The following DSCAM variants were observed in gnomAD, a reference collection of about 807,000 sequenced individuals.
The protein encoded by DSCAM is DS cell adhesion molecule, also known as cell adhesion molecule DSCAM.
DSCAM carries 47 observed loss-of-function variants against 217.7 expected under a neutral mutation model. The observed-to-expected ratio is 0.22, with a 90% CI of 0.17 to 0.28. The LOEUF is 0.28. Among genes scored for constraint, DSCAM ranks in the 10% least tolerant of loss-of-function variants. The pLI is 1.00. For missense variants in DSCAM, 2,080 were observed against 2,618.3 expected, an observed-to-expected ratio of 0.79 and a Z score of 4.49; for synonymous variants, 1,056 against 1,015.3, an observed-to-expected ratio of 1.04 and a Z score of -0.76.
Position 40,217,837 on chromosome 21 carries a change from T to A in DSCAM, c.2357-28599A>T, listed in dbSNP as rs372986811. On this transcript the variant is annotated intron_variant, in intron 11 of 32. Coordinates refer to ENST00000400454, the MANE Select transcript of DSCAM (RefSeq NM_001389.5). Reference sequence around the variant, plus strand: ...TTTTGAGAAGTGTCTGTTCACGTCCTTTGCCCACTTTTTAATGGGGTGGTT... The same window carrying A: ...TTTTGAGAAGTGTCTGTTCACGTCCATTGCCCACTTTTTAATGGGGTGGTT... Among the ~76,000 whole-genome samples, 4 of 152,232 alleles carry A rather than the reference T, an allele frequency of 2.6e-5. 1 individual carries two copies. In the South Asian group the frequency reaches 6.2e-4, roughly 24 times the overall value.
intron 3 of DSCAM, among the ~76,000 whole-genome samples, chr21:40,416,127 T>A (rs2075369560): frequency 6.6e-6 from 1 of 152,104 alleles, no homozygotes; most frequent in South Asian, 2.1e-4. Context: ...CATGAGGGGA[T>A]CCCCTTTTTC....
intron 1 of DSCAM, among the ~76,000 whole-genome samples, chr21:40,811,496 A>G (rs1431857325): frequency 7.2e-5 from 11 of 152,202 alleles, no homozygotes; most frequent in Admixed American, 7.2e-4. Context: ...AGTGTGTTCT[A>G]AAGAGTTTTA....
intron 3 of DSCAM, among the ~76,000 whole-genome samples, chr21:40,457,213 G>T (rs2075770857): frequency 6.6e-6 from 1 of 152,094 alleles, no homozygotes; most frequent in Admixed American, 6.6e-5. Flanking sequence ...CACTGTATTT[G>T]GAAAAAGAAG....
chr21:40,635,229 C>T (rs894459099), intron 3 of DSCAM, among the ~76,000 whole-genome samples: 8 of 151,982 alleles, frequency 5.3e-5, no homozygotes, highest in South Asian at 4.2e-4. Context: ...GAAGAGAAAG[C>T]GAAGACACAC....
intron 11 of DSCAM, among the ~76,000 whole-genome samples, chr21:40,189,532 T>C (rs992186077): frequency 6.6e-6 from 1 of 152,190 alleles, no homozygotes; most frequent in Non-Finnish European, 1.5e-5. Flanking sequence ...GAATGATTGA[T>C]ATGGGTTGGC....
chr21:40,183,975 T>C (rs1006247390), intron 14 of DSCAM, among the ~76,000 whole-genome samples: 1 of 152,132 alleles, frequency 6.6e-6, no homozygotes, highest in East Asian at 1.9e-4. Flanking sequence ...GGACATAGCA[T>C]AAGGTTTGTC....
chr21:40,370,854 T>G (rs1043370347), intron 3 of DSCAM, among the ~76,000 whole-genome samples: 2 of 152,068 alleles, frequency 1.3e-5, no homozygotes, highest in Non-Finnish European at 2.9e-5. Context: ...ACTCATGAGC[T>G]CAAGTGATCC....
At chr21:40,105,784 GAA>G (rs2089811870) in intron 20 of DSCAM, among the ~76,000 whole-genome samples, 2 of 152,148 alleles carry the variant, frequency 1.3e-5, no homozygotes, top group Non-Finnish European at 2.9e-5. Context: ...TTAAAGAATA[GAA>G]GTCAAATAAA....
chr21:40,370,805 A>G (rs1459616699), intron 3 of DSCAM, among the ~76,000 whole-genome samples: 2 of 151,870 alleles, frequency 1.3e-5, no homozygotes, highest in Non-Finnish European at 2.9e-5. Flanking sequence ...ATTTTTTTAT[A>G]GAGACGAGAT....
chr21:40,754,933 T>G (rs1332598022), intron 1 of DSCAM, among the ~76,000 whole-genome samples: 1 of 152,234 alleles, frequency 6.6e-6, no homozygotes, highest in Admixed American at 6.5e-5. Flanking sequence ...TCTGGATTTA[T>G]AGGACAATTG....
chr21:40,355,652 A>G (rs1328532503), intron 4 of DSCAM, among the ~76,000 whole-genome samples: 2 of 152,204 alleles, frequency 1.3e-5, no homozygotes, highest in Non-Finnish European at 2.9e-5. Context: ...CCACATGGAT[A>G]TTACAGAAAC....
chr21:40,253,798 C>G (rs921813543), intron 11 of DSCAM, among the ~76,000 whole-genome samples: 14 of 152,268 alleles, frequency 9.2e-5, no homozygotes, highest in African/African-American at 3.4e-4. Flanking sequence ...CAGGACCCTT[C>G]CGGATCTTGC....
chr21:40,393,456 A>G (rs1009594834), intron 3 of DSCAM, among the ~76,000 whole-genome samples: 1 of 152,210 alleles, frequency 6.6e-6, no homozygotes, highest in African/African-American at 2.4e-5. Context: ...CTAAATGTAT[A>G]TGTTTTTATA....
intron 1 of DSCAM, among the ~76,000 whole-genome samples, chr21:40,761,333 C>T (rs2091332770): frequency 6.6e-6 from 1 of 152,154 alleles, no homozygotes; most frequent in African/African-American, 2.4e-5. Context: ...TTTCCTGGCT[C>T]ATGGCCCCCC....
Position 40,017,632 on chromosome 21 carries a change from AACCTCC to A in DSCAM, c.5687-4252_5687-4247del, listed in dbSNP as rs368893098. Among the ~76,000 whole-genome samples the A allele has an allele frequency of 2.5e-3, 379 of 151,722 alleles. 6 individuals are homozygous for A. Among genetic ancestry groups the A allele is most frequent in the African/African-American group, 8.5e-3 (352 of 41,338 alleles). Reference sequence around the variant, plus strand: ...GCTGGAGTGCAACTCGGTTCGCCACAACCTCCACCTCCCGGTTCAAGCGATTCTCCC... The same window carrying A: ...GCTGGAGTGCAACTCGGTTCGCCACAACCTCCCGGTTCAAGCGATTCTCCC... On this transcript the variant is annotated intron_variant, in intron 32 of 32. Transcript: ENST00000400454.
chr21:40,199,481 T>C (rs1166011888), intron 11 of DSCAM, among the ~76,000 whole-genome samples: 1 of 152,210 alleles, frequency 6.6e-6, no homozygotes, highest in African/African-American at 2.4e-5. Flanking sequence ...GTCTTTATTG[T>C]AGAATGAGTT....
intron 27 of DSCAM, among the ~76,000 whole-genome samples, chr21:40,064,550 C>A (rs1018621876): frequency 6.6e-6 from 1 of 152,170 alleles, no homozygotes; most frequent in East Asian, 1.9e-4. Context: ...CAGGCATCCT[C>A]CCCAAGGCTA....
intron 16 of DSCAM, among the ~76,000 whole-genome samples, chr21:40,161,541 G>A (rs1052592373): frequency 2.0e-5 from 3 of 152,134 alleles, no homozygotes; most frequent in Admixed American, 6.5e-5. Flanking sequence ...GAACACACAA[G>A]ACATGTCCTC....
chr21:40,543,773 G>C (rs1461978395), intron 3 of DSCAM, among the ~76,000 whole-genome samples: 1 of 152,004 alleles, frequency 6.6e-6, no homozygotes, highest in Non-Finnish European at 1.5e-5. Flanking sequence ...AGTAATTTTA[G>C]GACTGTCCCC....
Sources: gnomAD v4.1 joint callset for allele counts (sites outside exome capture counted in the v4.1 genomes callset) on GRCh38, gnomAD v4.1.1 for gene constraint, MANE v1.5 for transcripts, NCBI Gene and HGNC (gene_info 2026-07-23, HGNC 2026-07-21) for gene names.